The following HEATR4 variants were observed in gnomAD, a reference collection of about 807,000 sequenced individuals.
The protein encoded by HEATR4 is HEAT repeat containing 4.
In HEATR4, 95 loss-of-function variants were observed where a neutral mutation model predicts 108.8. The observed-to-expected ratio is 0.87, with a 90% CI of 0.74 to 1.04. The LOEUF is 1.04. Ranked by LOEUF, HEATR4 falls within the 50% of genes least tolerant of loss-of-function variation. The probability of loss-of-function intolerance (pLI) is 0.00; values close to 1 mark genes in which losing one functional copy is unlikely to be tolerated. For synonymous variants in HEATR4, 443 were observed against 459.4 expected (o/e 0.96, Z 0.46); for missense variants, 1,152 against 1,253.8 (o/e 0.92, Z 1.23).
intron 17 of HEATR4, among the ~76,000 whole-genome samples, chr14:73,482,550 A>C (rs902638730): frequency 1.2e-4 from 18 of 152,184 alleles, no homozygotes; most frequent in Admixed American, 3.9e-4. Flanking sequence ...AGGGAAGCAC[A>C]GGAGACTTTT....
At chr14:73,599,539 A>G in the HEATR4 span, among the ~76,000 whole-genome samples, 1 of 152,074 alleles carries the variant, frequency 6.6e-6, no homozygotes, top group Non-Finnish European at 1.5e-5. Flanking sequence ...AGAAATTGAG[A>G]ACCCCCTAAA....
At chr14:73,482,454 G>A (rs1010903402) in intron 17 of HEATR4, among the ~76,000 whole-genome samples, 5 of 152,118 alleles carry the variant, frequency 3.3e-5, no homozygotes, top group Admixed American at 1.3e-4. Flanking sequence ...CCCAGAAGGC[G>A]GAGGCTGCAA....
rs1164454310 is a variant in HEATR4, at chr14:73,520,973, A to G, written c.948T>C (p.Asp316=). 7 of 1,613,746 alleles carry G rather than the reference A, an allele frequency of 4.3e-6. No homozygotes were observed. The highest frequency in any genetic ancestry group is 5.9e-6 in the Non-Finnish European group (7 of 1,179,994). The change falls in exon 4 of 18, where the codon GAT becomes GAC. Residue 316 remains aspartate, a synonymous_variant. Coordinates refer to ENST00000553558, the MANE Select transcript of HEATR4 (RefSeq NM_001220484.1). ...GGGAGAGGCTCGTCTTTTCATGGAT[A>G]TCCTCAGTGCTCTTGTTGCCAGGCA... ...EIMPGNKSTE[D]IHEKTSLSQP... is the part of the protein sequence containing the mutation.
At chr14:73,601,379 C>T in the HEATR4 span, among the ~76,000 whole-genome samples, 29 of 152,158 alleles carry the variant, frequency 1.9e-4, no homozygotes, top group South Asian at 1.5e-3. Context: ...GCTTGGCCAA[C>T]GTGGTGAAAC....
At chr14:73,626,777 C>T in the HEATR4 span, among the ~76,000 whole-genome samples, 2 of 140,038 alleles carry the variant, frequency 1.4e-5, no homozygotes, top group African/African-American at 5.5e-5. Context: ...CACTAAACAA[C>T]AGACAAACAG....
At chr14:73,502,328 T>C (rs1886522242) in intron 11 of HEATR4, among the ~76,000 whole-genome samples, 1 of 152,134 alleles carries the variant, frequency 6.6e-6, no homozygotes, top group African/African-American at 2.4e-5. Context: ...TATTTTTAAT[T>C]AGGTGTTTGT....
At chr14:73,629,790 A>ACC in the HEATR4 span, among the ~76,000 whole-genome samples, 1 of 151,698 alleles carries the variant, frequency 6.6e-6, no homozygotes, top group Non-Finnish European at 1.5e-5. Context: ...GACTACAGGC[A>ACC]CCCGCCACCA....
chr14:73,561,138 GGTGGA>G (rs1271073471), upstream of HEATR4, among the ~76,000 whole-genome samples: 1 of 151,976 alleles, frequency 6.6e-6, no homozygotes, highest in African/African-American at 2.4e-5. Flanking sequence ...GGCCGAGGAG[GGTGGA>G]TCACCTGAGG....
At chr14:73,601,215 A>C in the HEATR4 span, among the ~76,000 whole-genome samples, 1 of 152,150 alleles carries the variant, frequency 6.6e-6, no homozygotes, top group Non-Finnish European at 1.5e-5. Context: ...AATGTACCTG[A>C]AGCTTTGACT....
intron 1 of HEATR4, among the ~76,000 whole-genome samples, chr14:73,547,042 C>T (rs1238868222): frequency 2.8e-5 from 3 of 105,484 alleles, no homozygotes; most frequent in Admixed American, 1.2e-4. Context: ...GCCAAGATCA[C>T]GCCACTGTAC....
intron 2 of HEATR4, among the ~76,000 whole-genome samples, chr14:73,528,392 C>CAAAAAAAAAAAAAAA (rs371875141): frequency 1.1e-5 from 1 of 88,516 alleles, no homozygotes; most frequent in Non-Finnish European, 2.0e-5. Flanking sequence ...AACTTCATCT[C>CAAAAAAAAAAAAAAA]AAAAAAAAAA....
chr14:73,560,735 T>C (rs923952601), upstream of HEATR4, among the ~76,000 whole-genome samples: 1 of 151,980 alleles, frequency 6.6e-6, no homozygotes, highest in Non-Finnish European at 1.5e-5. Context: ...GAGGATCATT[T>C]GAGCCCAGGA....
At chr14:73,577,408 G>C in the HEATR4 span, among the ~76,000 whole-genome samples, 1 of 136,642 alleles carries the variant, frequency 7.3e-6, no homozygotes, top group Admixed American at 7.7e-5. Flanking sequence ...TGGGCATGGA[G>C]CCCCATTTAG....
rs1886056761 is a variant in HEATR4 at position 73,495,404 on chromosome 14, A to G, written c.2626-17T>C. The stretch of plus-strand genomic sequence containing the variant: ...TGTTTTAATCTAAATTAGAACAAAT[A>G]ATGTTTGAAAAACAAAACAAAACAC... On this transcript the variant is annotated splice_polypyrimidine_tract_variant and intron_variant, in intron 15 of 17. Transcript: ENST00000553558. The G allele has an allele frequency of 6.2e-7, 1 of 1,604,330 alleles. No homozygotes were observed. The highest frequency in any genetic ancestry group is 1.7e-5 in the Admixed American group (1 of 58,538).
At chr14:73,524,309 AAATATATAT>A (rs1459974987) in intron 2 of HEATR4, among the ~76,000 whole-genome samples, 1 of 99,760 alleles carries the variant, frequency 1.0e-5, no homozygotes, top group African/African-American at 4.1e-5. Flanking sequence ...AAAAAAAAAA[AAATATATAT>A]ATATATATAT....
chr14:73,628,630 G>C, the HEATR4 span, among the ~76,000 whole-genome samples: 7 of 152,156 alleles, frequency 4.6e-5, no homozygotes, highest in Admixed American at 1.3e-4. Flanking sequence ...GCGCATGCCT[G>C]TAATCCCACC....
chr14:73,588,966 G>A, the HEATR4 span, among the ~76,000 whole-genome samples: 19 of 151,956 alleles, frequency 1.3e-4, no homozygotes, highest in Non-Finnish European at 4.4e-5. Context: ...TGAGCAGAAG[G>A]TAGTGATTAC....
the HEATR4 span, chr14:73,567,782 A>G: frequency 1.3e-5 from 2 of 152,038 alleles, no homozygotes; most frequent in African/African-American, 4.8e-5. Context: ...GAACCCACTG[A>G]GAGGAACAAG....
rs1213214962 is a variant in HEATR4, at chr14:73,542,284, C to T, written c.-151-12040G>A. ...GAGTGCTGGAATTACAGGCATGAGC[C>T]ACCACACCTGGCCTCTTATAGACAG... On this transcript the variant is annotated intron_variant, in intron 1 of 17. Transcript: ENST00000553558. Among the ~76,000 whole-genome samples, 2 of 111,136 alleles carry T rather than the reference C, an allele frequency of 1.8e-5. 1 individual carries two copies. Among genetic ancestry groups the T allele is most frequent in the Non-Finnish European group, 3.8e-5 (2 of 52,000 alleles). 72.9% of individuals were successfully genotyped at this position (111,136 alleles called of 152,430 possible). A position where few individuals can be genotyped will look rare whatever the true frequency, so the allele number is the denominator to read the frequency against.
Sources: gnomAD v4.1 joint callset for allele counts (sites outside exome capture counted in the v4.1 genomes callset) on GRCh38, gnomAD v4.1.1 for gene constraint, MANE v1.5 for transcripts, NCBI Gene and HGNC (gene_info 2026-07-23, HGNC 2026-07-21) for gene names.